RNF150: variants seen among roughly 807,000 people sequenced by gnomAD.
RNF150 encodes ring finger protein 150.
A neutral mutation model predicts 39.3 loss-of-function variants in RNF150; 24 were observed. The ratio of observed to expected loss-of-function variants is 0.61; its 90% CI spans 0.44 to 0.86. The LOEUF (loss-of-function observed/expected upper bound fraction) is 0.86. Among genes scored for constraint, RNF150 ranks in the 40% least tolerant of loss-of-function variants. The pLI, the probability that RNF150 is intolerant of heterozygous loss-of-function variation, is 0.00. For synonymous variants in RNF150, 255 were observed against 227.3 expected (o/e 1.12, Z -1.10); for missense variants, 502 against 587.8 (o/e 0.85, Z 1.51).
At chr4:141,008,849 C>CCTT (rs139240206) in intron 1 of RNF150, among the ~76,000 whole-genome samples, 11,501 of 151,938 alleles carry the variant, frequency 0.076, 489 homozygotes, top group Middle Eastern at 0.16. Context: ...TCTTCCTTCT[C>CCTT]CTTCTTCTTC....
rs531734407 is a variant in RNF150, at chr4:140,897,951, G to A, written c.1198+13193C>T. ...TTGACCTAGCTTTACTACCAAGAACGTACATTATTGTCAGGGACATAAATT... is the reference window on the plus strand; with the variant it reads ...TTGACCTAGCTTTACTACCAAGAACATACATTATTGTCAGGGACATAAATT... On this transcript the variant is annotated intron_variant, in intron 6 of 6. Coordinates refer to ENST00000515673, the MANE Select transcript of RNF150 (RefSeq NM_020724.2). Among the ~76,000 whole-genome samples, 21 of 152,236 alleles carry A rather than the reference G, an allele frequency of 1.4e-4. No homozygotes were observed. The South Asian group carries it at 1.7e-3, about 12-fold the overall frequency.
At chr4:140,965,082 G>GA (rs1349351136) in intron 2 of RNF150, among the ~76,000 whole-genome samples, 3 of 151,998 alleles carry the variant, frequency 2.0e-5, no homozygotes, top group Non-Finnish European at 4.4e-5. Flanking sequence ...GATTTAATGA[G>GA]AAAAAAGAAA....
At chr4:140,964,799 C>T (rs1733170556) in intron 2 of RNF150, among the ~76,000 whole-genome samples, 1 of 151,802 alleles carries the variant, frequency 6.6e-6, no homozygotes, top group Non-Finnish European at 1.5e-5. Context: ...GCATGAACAG[C>T]CGTGAGACAT....
chr4:140,988,301 G>GT (rs1029953162), intron 1 of RNF150, among the ~76,000 whole-genome samples: 2 of 152,044 alleles, frequency 1.3e-5, no homozygotes, highest in Admixed American at 6.6e-5. Context: ...ACATGCATGC[G>GT]TATGTTCATC....
intron 4 of RNF150, among the ~76,000 whole-genome samples, chr4:140,939,947 C>G (rs1247506861): frequency 6.6e-6 from 1 of 152,218 alleles, no homozygotes; most frequent in Non-Finnish European, 1.5e-5. Context: ...ATTCAGACTT[C>G]TAGCATTTCC....
rs1251860761 is a variant in RNF150, at chr4:140,911,397, A to G, written c.988-43T>C. On this transcript the variant is annotated intron_variant, in intron 5 of 6. Transcript: ENST00000515673. ...GATCTGTTCTCAGTACATGTCATCC[A>G]CTTAGAGATTAAATGTCTATAGCCT... 4 of 1,534,788 alleles carry G rather than the reference A, an allele frequency of 2.6e-6. No homozygotes were observed. In the East Asian group the frequency reaches 9.0e-5, roughly 35 times the overall value.
chr4:140,921,628 A>G (rs1322118524), intron 5 of RNF150, among the ~76,000 whole-genome samples: 2 of 152,212 alleles, frequency 1.3e-5, no homozygotes, highest in Non-Finnish European at 2.9e-5. Context: ...TGAGGCCAGC[A>G]TCATCCTGAT....
At chr4:140,983,950 G>A (rs1733941609) in intron 1 of RNF150, among the ~76,000 whole-genome samples, 1 of 151,946 alleles carries the variant, frequency 6.6e-6, no homozygotes, top group Non-Finnish European at 1.5e-5. Flanking sequence ...ACATTGGCTA[G>A]GCTGGTCCTG....
At position 140,928,113 on chromosome 4, in the gene RNF150, T is replaced by C. The variant is rs191546981; in HGVS notation, c.891-2040A>G. 2.9e-3 allele frequency among the ~76,000 whole-genome samples: 449 copies of C among 152,280 alleles called. 14 individuals carry two copies. Among genetic ancestry groups the C allele is most frequent in the African/African-American group, 0.01 (429 of 41,526 alleles). On this transcript the variant is annotated intron_variant, in intron 4 of 6. Transcript: ENST00000515673. ...AAGTAGTATATACTAAGAACTGTGC[T>C]CAACAGACAGAATCAGCACAATGGT...
intron 4 of RNF150, among the ~76,000 whole-genome samples, chr4:140,929,633 T>C (rs994503838): frequency 6.6e-6 from 1 of 152,110 alleles, no homozygotes; most frequent in African/African-American, 2.4e-5. Flanking sequence ...CCCAAAGTAA[T>C]GGGATTACAG....
chr4:140,887,568 G>A (rs776580796), intron 6 of RNF150, among the ~76,000 whole-genome samples: 2 of 152,030 alleles, frequency 1.3e-5, no homozygotes, highest in Non-Finnish European at 2.9e-5. Context: ...GATGTAGGTC[G>A]ACGCATCAAC....
rs775055214 is a variant in RNF150 at position 141,132,814 on chromosome 4, T to C, written c.-6A>G. 2.1e-5 allele frequency: 33 copies of C among 1,607,712 alleles called. No individual in the cohort carries two copies. Among genetic ancestry groups the C allele is most frequent in the Non-Finnish European group, 2.6e-5 (31 of 1,177,094 alleles). Reference sequence around the variant, plus strand: ...TGGATGAGAGACATTGCCATCTTTATCCGCCGGGGCCCCCTCCCCGCCCCC... The same window carrying C: ...TGGATGAGAGACATTGCCATCTTTACCCGCCGGGGCCCCCTCCCCGCCCCC... On this transcript the variant is annotated 5_prime_UTR_variant, in exon 1 of 7. Transcript: ENST00000515673. The surrounding 1 kb of genome is among the most constrained non-coding windows in gnomAD (Gnocchi z 4.9).
At chr4:140,909,722 C>G (rs979303615) in intron 6 of RNF150, among the ~76,000 whole-genome samples, 64 of 152,044 alleles carry the variant, frequency 4.2e-4, no homozygotes, top group African/African-American at 1.4e-3. Context: ...CAGTCTAAAC[C>G]TTCAAAACAA....
At chr4:140,896,755 AG>A (rs1729975383) in intron 6 of RNF150, among the ~76,000 whole-genome samples, 1 of 151,808 alleles carries the variant, frequency 6.6e-6, no homozygotes, top group East Asian at 1.9e-4. Context: ...TAAAAAAGAA[AG>A]GAAGCACTTC....
At chr4:141,134,965 G>A (rs72724493), upstream of RNF150, among the ~76,000 whole-genome samples, 611 of 152,304 alleles carry the variant, frequency 4.0e-3, 1 homozygote, top group Non-Finnish European at 7.0e-3. Context: ...TATTAAGAAT[G>A]TGTGACTATC....
At chr4:140,941,355 T>C (rs1732076123) in intron 4 of RNF150, among the ~76,000 whole-genome samples, 1 of 151,766 alleles carries the variant, frequency 6.6e-6, no homozygotes, top group Non-Finnish European at 1.5e-5. Flanking sequence ...CTTCTTAGAG[T>C]AATCTCCAAT....
chr4:140,904,656 T>C (rs1404247950), intron 6 of RNF150, among the ~76,000 whole-genome samples: 1 of 152,226 alleles, frequency 6.6e-6, no homozygotes, highest in African/African-American at 2.4e-5. Context: ...GTTTTGCAAA[T>C]GTAGCAAAGT....
chr4:140,949,787 C>A (rs1039772895), intron 2 of RNF150, among the ~76,000 whole-genome samples: 2 of 152,110 alleles, frequency 1.3e-5, no homozygotes, highest in East Asian at 1.9e-4. Flanking sequence ...CTCTTTTTGA[C>A]AATCAGGATT....
At chr4:141,054,432 A>G (rs1031232992) in intron 1 of RNF150, among the ~76,000 whole-genome samples, 2 of 152,106 alleles carry the variant, frequency 1.3e-5, no homozygotes, top group East Asian at 3.8e-4. Context: ...CTTAGCCCAT[A>G]TATATTAACA....
Sources: allele counts gnomAD v4.1 joint callset (sites outside exome capture counted in the v4.1 genomes callset), GRCh38; gene constraint gnomAD v4.1.1; non-coding constraint Gnocchi (gnomAD v3.1); transcripts MANE v1.5; gene names NCBI Gene and HGNC (gene_info 2026-07-23, HGNC 2026-07-21).